LNX1: variants seen among roughly 807,000 people sequenced by gnomAD.
LNX1 encodes the protein ligand of numb-protein X 1.
In LNX1, 54 loss-of-function variants were observed where a neutral mutation model predicts 68.4. The observed-to-expected ratio is 0.79, with a 90% CI of 0.63 to 0.99. LNX1 has a LOEUF of 0.99. LNX1 is among the 50% of genes least tolerant of loss of function. LNX1 has a pLI of 0.00. For synonymous variants in LNX1, 336 were observed against 350.0 expected, an observed-to-expected ratio of 0.96 and a Z score of 0.45; for missense variants, 906 against 926.4, an observed-to-expected ratio of 0.98 and a Z score of 0.29.
chr4:53,618,135 C>G (rs770783622), upstream of LNX1, among the ~76,000 whole-genome samples: 5 of 152,080 alleles, frequency 3.3e-5, no homozygotes, highest in Non-Finnish European at 5.9e-5. Flanking sequence ...AAACAAATTG[C>G]CCTTAACTAC....
In LNX1 at chr4:53,478,735, T is replaced by C. The variant is rs760721605; in HGVS notation, c.1493A>G (p.His498Arg). 2.4e-5 allele frequency: 39 copies of C among 1,613,624 alleles called. No homozygotes were observed. Among genetic ancestry groups the C allele is most frequent in the South Asian group, 4.4e-5 (4 of 90,948 alleles). The change falls in exon 8 of 11, where the codon CAT becomes CGT. Residue 498 changes from histidine to arginine, a missense_variant. His to Arg is a conservative substitution (Grantham distance 29). Coordinates refer to ENST00000263925, the MANE Select transcript of LNX1 (RefSeq NM_001126328.3). ...GERSNTPKPL[H>R]PTITCHEKVV... The stretch of plus-strand genomic sequence containing the variant: ...CTTCTCATGACAAGTAATTGTAGGA[T>C]GGAGGGGCTGAAGGCACAGATGGAA...
At chr4:53,614,741 C>T (rs1560694710) in intron 2 of LNX1, among the ~76,000 whole-genome samples, 1 of 152,190 alleles carries the variant, frequency 6.6e-6, no homozygotes. Flanking sequence ...ACGAGTTCAT[C>T]TCCTCCTTGA....
chr4:53,589,069 G>A lies in LNX1; in HGVS notation c.-87+2319C>T, dbSNP rs528702371. Among the ~76,000 whole-genome samples the A allele has an allele frequency of 3.3e-4, 51 of 152,334 alleles. No homozygotes were observed. The Middle Eastern group carries it at 0.01, about 30-fold the overall frequency. On this transcript the variant is annotated intron_variant, in intron 1 of 10. Transcript: ENST00000263925. The stretch of plus-strand genomic sequence containing the variant: ...AAGGGTGTTTATCTGTGAGACTGGA[G>A]GAGACCAAACACCCAGTCTGCCCTG...
intron 2 of LNX1, among the ~76,000 whole-genome samples, chr4:53,572,918 C>T (rs1731256543): frequency 6.6e-6 from 1 of 152,216 alleles, no homozygotes; most frequent in African/African-American, 2.4e-5. Context: ...GAACACCTCA[C>T]ACCTTCTTGA....
intron 2 of LNX1, among the ~76,000 whole-genome samples, chr4:53,526,817 A>G (rs1431044089): frequency 6.6e-6 from 1 of 151,864 alleles, no homozygotes; most frequent in Non-Finnish European, 1.5e-5. Context: ...CTCTTCTGTT[A>G]TATTGTGAGG....
At position 53,525,279 on chromosome 4, in the gene LNX1, T is replaced by A. The variant is rs1464377370; in HGVS notation, c.381-17052A>T. Among the ~76,000 whole-genome samples, 9 of 152,262 alleles carry A rather than the reference T, an allele frequency of 5.9e-5. No individual in the cohort carries two copies. The South Asian group carries it at 1.9e-3, about 32-fold the overall frequency. Reference sequence around the variant, plus strand: ...GGCGGATCATTTGAGGTCAGGAGTTTGAGACCAGCCTGGCCAACAAGGTGA... The same window carrying A: ...GGCGGATCATTTGAGGTCAGGAGTTAGAGACCAGCCTGGCCAACAAGGTGA... On this transcript the variant is annotated intron_variant, in intron 2 of 10. Coordinates refer to ENST00000263925, the MANE Select transcript of LNX1 (RefSeq NM_001126328.3).
intron 1 of LNX1, among the ~76,000 whole-genome samples, chr4:53,632,727 G>T (rs546143089): frequency 6.6e-6 from 1 of 152,328 alleles, no homozygotes; most frequent in African/African-American, 2.4e-5. Flanking sequence ...AGGTTAGGGA[G>T]ATTTGGAATT....
intron 2 of LNX1, among the ~76,000 whole-genome samples, chr4:53,563,612 G>A (rs192064197): frequency 2.0e-4 from 30 of 150,800 alleles, no homozygotes; most frequent in African/African-American, 7.1e-4. Context: ...TCAGCTCACT[G>A]CAACCTCTGC....
chr4:53,638,014 C>T (rs1734546271), intron 1 of LNX1, among the ~76,000 whole-genome samples: 1 of 152,202 alleles, frequency 6.6e-6, no homozygotes, highest in Non-Finnish European at 1.5e-5. Flanking sequence ...TGATAGATGG[C>T]AGCCACGATG....
chr4:53,569,704 A>G (rs1475871419), intron 2 of LNX1, among the ~76,000 whole-genome samples: 1 of 150,652 alleles, frequency 6.6e-6, no homozygotes, highest in East Asian at 2.0e-4. Flanking sequence ...AGCAAAAGAA[A>G]CTACCATCAG....
intron 1 of LNX1, among the ~76,000 whole-genome samples, chr4:53,634,092 T>A (rs1166153691): frequency 6.6e-6 from 1 of 152,146 alleles, no homozygotes; most frequent in Non-Finnish European, 1.5e-5. Flanking sequence ...TACTCCATAA[T>A]AATGCTCTAC....
intron 2 of LNX1, among the ~76,000 whole-genome samples, chr4:53,546,008 T>G (rs35518541): frequency 0.23 from 35,462 of 151,838 alleles, 4,333 homozygotes; most frequent in East Asian, 0.37. Flanking sequence ...GGTTTCACCA[T>G]GTTGGCCAGG....
chr4:53,643,749 T>C (rs1421726465), intron 1 of LNX1, among the ~76,000 whole-genome samples: 1 of 152,206 alleles, frequency 6.6e-6, no homozygotes, highest in African/African-American at 2.4e-5. Context: ...TAAAGCTCTT[T>C]GAACCTCAGT....
At chr4:53,612,824 G>T (rs185450347) in intron 2 of LNX1, among the ~76,000 whole-genome samples, 8 of 151,766 alleles carry the variant, frequency 5.3e-5, no homozygotes, top group African/African-American at 1.7e-4. Context: ...GTTTGAGGCT[G>T]CAGTGATCTG....
chr4:53,491,800 TG>T (rs66696444), intron 6 of LNX1, among the ~76,000 whole-genome samples: 80,175 of 127,542 alleles, frequency 0.63, 29,214 homozygotes, highest in Admixed American at 0.77. Context: ...TACTTTTTTT[TG>T]TTTGTTTGTT....
In LNX1 at chr4:53,507,420, T is replaced by A; in HGVS notation, c.672A>T (p.Ile224=). The A allele has an allele frequency of 6.2e-7, 1 of 1,614,174 alleles. No homozygotes were observed. The highest frequency in any genetic ancestry group is 8.5e-7 in the Non-Finnish European group (1 of 1,180,012). The change falls in exon 4 of 11, where the codon ATA becomes ATT. Residue 224 remains isoleucine (I), a synonymous_variant. Transcript: ENST00000263925. ...STIRSRSFKK[I]NRALSVLRRT... ...TTCGAAGAACACTCAAAGCTCGATT[T>A]ATTTTTTTAAATGATCTGCTTCTAA... is the stretch of plus-strand genomic sequence containing the variant.
At chr4:53,591,741 G>T, upstream of LNX1, 1 of 208,844 alleles carries the variant, frequency 4.8e-6, no homozygotes. Flanking sequence ...TCTTTCCTGA[G>T]CACAGCACGT....
chr4:53,604,806 TG>T (rs2109839773), intron 2 of LNX1, among the ~76,000 whole-genome samples: 1 of 152,228 alleles, frequency 6.6e-6, no homozygotes, highest in African/African-American at 2.4e-5. Flanking sequence ...GCCTCTTGGG[TG>T]GGGAAGACAG....
At chr4:53,471,169 C>A (rs1306761880) in intron 9 of LNX1, among the ~76,000 whole-genome samples, 1 of 150,328 alleles carries the variant, frequency 6.7e-6, no homozygotes, top group Non-Finnish European at 1.5e-5. Flanking sequence ...CAGAACGGAG[C>A]CCTCAGAAAT....
Sources: gnomAD v4.1 joint callset for allele counts (sites outside exome capture counted in the v4.1 genomes callset) on GRCh38, gnomAD v4.1.1 for gene constraint, MANE v1.5 for transcripts, NCBI Gene and HGNC (gene_info 2026-07-23, HGNC 2026-07-21) for gene names.